STXBP5L: variants seen among roughly 807,000 people sequenced by gnomAD.
STXBP5L encodes syntaxin-binding protein 5-like.
Under a neutral mutation model 144.5 loss-of-function variants are expected in STXBP5L, and 65 were observed. The ratio of observed to expected loss-of-function variants is 0.45; its 90% CI spans 0.37 to 0.55. STXBP5L has a LOEUF of 0.55. Ranked by LOEUF, STXBP5L falls within the 20% of genes least tolerant of loss-of-function variation. STXBP5L has a pLI of 0.00. For missense variants in STXBP5L, 1,298 were observed against 1,405.5 expected, an observed-to-expected ratio of 0.92 and a Z score of 1.22; for synonymous variants, 505 against 469.6, an observed-to-expected ratio of 1.08 and a Z score of -0.97.
At chr3:121,337,463 AT>A (rs1485427749) in intron 20 of STXBP5L, among the ~76,000 whole-genome samples, 1 of 148,088 alleles carries the variant, frequency 6.8e-6, no homozygotes, top group East Asian at 2.0e-4. Context: ...AAAAAAAGTC[AT>A]TATATAAAGA....
At chr3:121,049,052 C>A (rs2107579873) in intron 5 of STXBP5L, among the ~76,000 whole-genome samples, 1 of 152,068 alleles carries the variant, frequency 6.6e-6, no homozygotes, top group South Asian at 2.1e-4. Context: ...CCCAGAAAAG[C>A]ACAGAGCTGC....
intron 5 of STXBP5L, among the ~76,000 whole-genome samples, chr3:121,098,115 A>G (rs75972155): frequency 5.6e-4 from 86 of 152,324 alleles, no homozygotes; most frequent in East Asian, 5.4e-3. Context: ...AAATGTGGAA[A>G]GCACATTATA....
intron 2 of STXBP5L, among the ~76,000 whole-genome samples, chr3:120,936,824 AGCCACCACGCCTG>A (rs1710289176): frequency 6.6e-6 from 1 of 152,076 alleles, no homozygotes; most frequent in Non-Finnish European, 1.5e-5. Flanking sequence ...TACAGGCGTG[AGCCACCACGCCTG>A]GCCACATGCA....
intron 5 of STXBP5L, among the ~76,000 whole-genome samples, chr3:121,071,305 C>G (rs1027439305): frequency 2.0e-5 from 3 of 152,224 alleles, no homozygotes; most frequent in Admixed American, 1.3e-4. Flanking sequence ...ATTTAGTTAT[C>G]TATCATTGAC....
At chr3:121,313,209 A>C (rs2043613016) in intron 19 of STXBP5L, among the ~76,000 whole-genome samples, 5 of 123,848 alleles carry the variant, frequency 4.0e-5, no homozygotes, top group East Asian at 2.7e-4. Flanking sequence ...GCCGGCCGGA[A>C]GGGGGGCTGA....
intron 3 of STXBP5L, among the ~76,000 whole-genome samples, chr3:120,961,260 G>T (rs1369793713): frequency 2.1e-5 from 3 of 145,232 alleles, no homozygotes; most frequent in Non-Finnish European, 3.0e-5. Flanking sequence ...CTATACTTTA[G>T]TCTTTCTTTT....
intron 5 of STXBP5L, among the ~76,000 whole-genome samples, chr3:121,071,172 T>C (rs1326325377): frequency 6.6e-6 from 1 of 152,198 alleles, no homozygotes; most frequent in East Asian, 1.9e-4. Context: ...CTAATATGAT[T>C]AAGCTTATAC....
At chr3:121,391,234 A>G (rs113704428) in intron 22 of STXBP5L, among the ~76,000 whole-genome samples, 2,651 of 152,262 alleles carry the variant, frequency 0.017, 71 homozygotes, top group African/African-American at 0.059. Context: ...TTTTAGCTCC[A>G]TCAGGTCATT....
chr3:121,324,309 A>C (rs1411985260), intron 20 of STXBP5L, among the ~76,000 whole-genome samples: 18 of 151,952 alleles, frequency 1.2e-4, no homozygotes, highest in Non-Finnish European at 8.8e-5. Flanking sequence ...GTCTCCAAAA[A>C]CCTTTCTTCT....
In STXBP5L at chr3:121,045,504, A is replaced by G. The variant is rs181186953; in HGVS notation, c.439A>G (p.Ile147Val). Residue 147 changes from isoleucine (I) to valine (V), a missense_variant, in exon 5 of 27, where the codon ATA becomes GTA. Ile to Val is a conservative substitution (Grantham distance 29). Coordinates refer to ENST00000471454, the MANE Select transcript of STXBP5L (RefSeq NM_001308330.2). Reference protein sequence around the residue: ...LWNLRQKRPAILHSLKFNRER... With the variant: ...LWNLRQKRPAVLHSLKFNRER... ...GAACCTTAGACAAAAAAGGCCAGCC[A>G]TACTCCATTCTCTTAAATTTAACCG... 11 of 1,613,146 alleles carry G rather than the reference A, an allele frequency of 6.8e-6. No homozygotes were observed. In the African/African-American group the frequency reaches 9.3e-5, roughly 14 times the overall value.
chr3:121,257,281 A>C lies in STXBP5L; in HGVS notation c.1780A>C (p.Thr594Pro). ...TTCTTCAAGGAGTCTTTCTGGGAGCACTAACACTGTTGCTAGTGAAGGAGT... is the reference window on the plus strand; with the variant it reads ...TTCTTCAAGGAGTCTTTCTGGGAGCCCTAACACTGTTGCTAGTGAAGGAGT... ...LPSSRSLSGS[T>P]NTVASEGVTK... is the part of the protein sequence containing the mutation. Residue 594 changes from threonine (T) to proline (P), a missense_variant, in exon 17 of 27, where the codon ACT becomes CCT. Transcript: ENST00000471454. 1.2e-6 allele frequency: 2 copies of C among 1,613,706 alleles called. No individual in the cohort carries two copies. The highest frequency in any genetic ancestry group is 1.7e-6 in the Non-Finnish European group (2 of 1,179,706).
At chr3:121,255,136 T>A in intron 16 of STXBP5L, 24 bp downstream of exon 16, 1 of 1,528,138 alleles carries the variant, frequency 6.5e-7, no homozygotes, top group Non-Finnish European at 8.8e-7. Flanking sequence ...AATTTAACTT[T>A]CACTTTTACA....
At chr3:121,053,351 G>T (rs143835487) in intron 5 of STXBP5L, among the ~76,000 whole-genome samples, 2 of 152,102 alleles carry the variant, frequency 1.3e-5, no homozygotes, top group African/African-American at 2.4e-5. Flanking sequence ...ATACTACAAG[G>T]CTACAGTAAC....
intron 3 of STXBP5L, among the ~76,000 whole-genome samples, chr3:121,006,659 A>G (rs1196274532): frequency 6.6e-6 from 1 of 152,104 alleles, no homozygotes; most frequent in East Asian, 1.9e-4. Context: ...TGGTCTTTAC[A>G]ATTTGGCATG....
chr3:121,313,242 C>G (rs1199147659), intron 19 of STXBP5L, among the ~76,000 whole-genome samples: 1 of 123,500 alleles, frequency 8.1e-6, no homozygotes, highest in Admixed American at 8.3e-5. Flanking sequence ...CCCTCCCGGA[C>G]GGGGCGGCTG....
At chr3:121,118,653 G>T (rs1380729465) in intron 6 of STXBP5L, among the ~76,000 whole-genome samples, 1 of 151,628 alleles carries the variant, frequency 6.6e-6, no homozygotes, top group Non-Finnish European at 1.5e-5. Context: ...CTGAATGCAG[G>T]TATGGAGAAA....
intron 20 of STXBP5L, among the ~76,000 whole-genome samples, chr3:121,338,648 G>A (rs1354115053): frequency 1.4e-5 from 2 of 144,320 alleles, no homozygotes; most frequent in Non-Finnish European, 3.0e-5. Context: ...GAGAAAGAGA[G>A]AAAGAAAAAG....
chr3:120,968,866 A>G (rs1290053582), intron 3 of STXBP5L, among the ~76,000 whole-genome samples: 2 of 152,136 alleles, frequency 1.3e-5, no homozygotes, highest in Non-Finnish European at 2.9e-5. Context: ...AAGTTCCTGC[A>G]AGAGGCATTA....
chr3:121,053,577 A>G (rs974374704), intron 5 of STXBP5L, among the ~76,000 whole-genome samples: 4 of 152,208 alleles, frequency 2.6e-5, no homozygotes, highest in Non-Finnish European at 5.9e-5. Flanking sequence ...CACCTTATAC[A>G]AAAATTAATT....
Sources: gnomAD v4.1 joint callset for allele counts (sites outside exome capture counted in the v4.1 genomes callset) on GRCh38, gnomAD v4.1.1 for gene constraint, MANE v1.5 for transcripts, NCBI Gene and HGNC (gene_info 2026-07-23, HGNC 2026-07-21) for gene names.